The following TSNARE1 variants were observed in gnomAD, a reference collection of about 807,000 sequenced individuals.
The protein encoded by TSNARE1 is t-SNARE domain-containing protein 1.
TSNARE1 carries 49 observed loss-of-function variants against 62.0 expected under a neutral mutation model. The observed-to-expected ratio is 0.79, with a 90% CI of 0.63 to 1.00. TSNARE1 has a LOEUF of 1.00. Among genes scored for constraint, TSNARE1 ranks in the 50% least tolerant of loss-of-function variants. TSNARE1 has a pLI of 0.00. For missense variants in TSNARE1, 755 were observed against 700.1 expected (o/e 1.08, Z -0.88); for synonymous variants, 328 against 294.4 (o/e 1.11, Z -1.17).
At chr8:142,323,594 A>G (rs1321679642) in intron 6 of TSNARE1, among the ~76,000 whole-genome samples, 2 of 152,224 alleles carry the variant, frequency 1.3e-5, no homozygotes, top group South Asian at 2.1e-4. Flanking sequence ...GGCGACTCCA[A>G]TCTGAGGCTG....
intron 11 of TSNARE1, chr8:142,276,043 T>C (rs2130643023): frequency 1.0e-6 from 1 of 985,352 alleles, no homozygotes; most frequent in South Asian, 4.7e-5. Flanking sequence ...CTTGAACCCT[T>C]GGTCACCAGC....
intron 9 of TSNARE1, 139 bp from the exon 10 acceptor site, chr8:142,300,783 G>GACGATCTGGGTCTGAGGCT: frequency 2.7e-6 from 3 of 1,092,546 alleles, no homozygotes; most frequent in Non-Finnish European, 2.6e-6. Context: ...GGTCTGAGGC[G>GACGATCTGGGTCTGAGGCT]GGGGCCTTCT....
intron 1 of TSNARE1, among the ~76,000 whole-genome samples, chr8:142,396,646 G>A (rs1371506656): frequency 1.3e-5 from 2 of 152,252 alleles, no homozygotes; most frequent in African/African-American, 4.8e-5. Context: ...GGTGGGCCGG[G>A]CAGCAGAACG....
At chr8:142,365,849 T>C in intron 1 of TSNARE1, 1 of 421,224 alleles carries the variant, frequency 2.4e-6, no homozygotes, top group South Asian at 1.8e-5. Context: ...GTGCAAGCAC[T>C]GAAAAGTGCA....
intron 4 of TSNARE1, among the ~76,000 whole-genome samples, chr8:142,342,654 C>T (rs557379091): frequency 5.3e-5 from 8 of 152,336 alleles, no homozygotes; most frequent in Admixed American, 1.3e-4. Flanking sequence ...CCTGAGTGCA[C>T]GCCATGTCTA....
Position 142,375,499 on chromosome 8 carries a change from G to T in TSNARE1, c.-39-20736C>A, listed in dbSNP as rs921487351. ...GGCAGGACATGCCCTGGGGCTGGGC[G>T]CCAGCTTCCTCGGCTCCAAGGGGAC... On this transcript the variant is annotated intron_variant, in intron 1 of 13. Coordinates refer to ENST00000524325, the MANE Select transcript of TSNARE1 (RefSeq NM_145003.5). Among the ~76,000 whole-genome samples, 11 of 152,322 alleles carry T rather than the reference G, an allele frequency of 7.2e-5. No individual in the cohort carries two copies. The South Asian group carries it at 1.7e-3, about 23-fold the overall frequency.
At chr8:142,404,333 C>CA (rs1838521500), upstream of TSNARE1, 1 of 152,324 alleles carries the variant, frequency 6.6e-6, no homozygotes, top group African/African-American at 2.4e-5. Flanking sequence ...GTGCACACAG[C>CA]GCACGTCTGT....
At chr8:142,336,091 T>C (rs1217472855) in intron 4 of TSNARE1, among the ~76,000 whole-genome samples, 1 of 152,106 alleles carries the variant, frequency 6.6e-6, no homozygotes, top group Admixed American at 6.5e-5. Context: ...AAGATCAGCC[T>C]GGGCCACACA....
At chr8:142,310,524 A>T (rs1827402223) in intron 9 of TSNARE1, among the ~76,000 whole-genome samples, 1 of 151,264 alleles carries the variant, frequency 6.6e-6, no homozygotes, top group Non-Finnish European at 1.5e-5. Context: ...GGTTCTGTTG[A>T]TGAGGAGTTC....
At chr8:142,399,357 C>T (rs1437769639) in intron 1 of TSNARE1, among the ~76,000 whole-genome samples, 2 of 152,240 alleles carry the variant, frequency 1.3e-5, no homozygotes, top group African/African-American at 4.8e-5. Context: ...GGCCCTGGGC[C>T]ACAGCTGGAT....
At chr8:142,223,065 T>TTC (rs1816514365) in intron 13 of TSNARE1, among the ~76,000 whole-genome samples, 5 of 83,908 alleles carry the variant, frequency 6.0e-5, no homozygotes, top group East Asian at 3.9e-4. Context: ...CTCATTCACT[T>TTC]ACTCGCTCAT....
At chr8:142,310,914 C>T (rs1827474209) in intron 9 of TSNARE1, among the ~76,000 whole-genome samples, 1 of 152,056 alleles carries the variant, frequency 6.6e-6, no homozygotes, top group East Asian at 1.9e-4. Context: ...AAATGGCATG[C>T]TCTCAGCTCA....
chr8:142,235,177 G>T (rs1420412823), intron 12 of TSNARE1, among the ~76,000 whole-genome samples: 2 of 151,314 alleles, frequency 1.3e-5, no homozygotes, highest in African/African-American at 4.9e-5. Context: ...GTCCAGAGAA[G>T]GACGTGACTC....
chr8:142,251,489 C>A (rs1342307769), intron 12 of TSNARE1, among the ~76,000 whole-genome samples: 1 of 152,202 alleles, frequency 6.6e-6, no homozygotes, highest in Non-Finnish European at 1.5e-5. Context: ...CAGCTCAGGG[C>A]AGAGGTTGTC....
intron 6 of TSNARE1, among the ~76,000 whole-genome samples, chr8:142,328,684 C>A (rs572588222): frequency 1.3e-5 from 2 of 152,194 alleles, no homozygotes; most frequent in Non-Finnish European, 2.9e-5. Flanking sequence ...ATCTCCAGAT[C>A]GTGACGGCCC....
chr8:142,403,083 G>A (rs1380697095), intron 1 of TSNARE1, 21 bp downstream of exon 1: 6 of 148,630 alleles, frequency 4.0e-5, no homozygotes, highest in Non-Finnish European at 7.5e-5. Context: ...CCAGGCCCCA[G>A]CCCCACCGCC....
chr8:142,252,460 G>A (rs560655538), intron 12 of TSNARE1, among the ~76,000 whole-genome samples: 1 of 152,330 alleles, frequency 6.6e-6, no homozygotes, highest in South Asian at 2.1e-4. Flanking sequence ...CCTGAGGTTT[G>A]AGGTGGTGCT....
chr8:142,269,565 G>C (rs1324461001), intron 12 of TSNARE1: 23 of 983,768 alleles, frequency 2.3e-5, no homozygotes, highest in Non-Finnish European at 2.5e-5. Flanking sequence ...CTGGCCTCAA[G>C]TGATCTTCCT....
chr8:142,385,357 A>C (rs1183342852), intron 1 of TSNARE1, among the ~76,000 whole-genome samples: 1 of 152,226 alleles, frequency 6.6e-6, no homozygotes, highest in Non-Finnish European at 1.5e-5. Flanking sequence ...TGAAAAAAAC[A>C]CCTTCAAAAC....
Sources: allele counts gnomAD v4.1 joint callset (sites outside exome capture counted in the v4.1 genomes callset), GRCh38; gene constraint gnomAD v4.1.1; transcripts MANE v1.5; gene names NCBI Gene and HGNC (gene_info 2026-07-23, HGNC 2026-07-21).